The following MAF variants were observed in gnomAD, a reference collection of about 807,000 sequenced individuals.
The protein encoded by MAF is MAF bZIP transcription factor, also known as transcription factor Maf.
In MAF, 10 loss-of-function variants were observed where a neutral mutation model predicts 22.0. The observed-to-expected ratio is 0.45, with a 90% confidence interval of 0.28 to 0.77. MAF has a LOEUF of 0.77. MAF is among the 30% of genes least tolerant of loss of function. MAF has a pLI of 0.12. For synonymous variants in MAF, 337 were observed against 255.8 expected, an observed-to-expected ratio of 1.32 and a Z score of -3.03; for missense variants, 544 against 548.4, an observed-to-expected ratio of 0.99 and a Z score of 0.08.
chr16:79,343,520 A>C, the MAF span, among the ~76,000 whole-genome samples: 1 of 152,216 alleles, frequency 6.6e-6, no homozygotes, highest in East Asian at 1.9e-4. Context: ...CGTAAATGGA[A>C]ACTTTTTTCA....
chr16:79,494,230 A>G, the MAF span, among the ~76,000 whole-genome samples: 5 of 152,312 alleles, frequency 3.3e-5, no homozygotes, highest in South Asian at 4.1e-4. Context: ...ACCTAATGAA[A>G]GCCAGGGAAT....
the MAF span, among the ~76,000 whole-genome samples, chr16:79,419,400 G>C: frequency 2.0e-5 from 3 of 152,198 alleles, no homozygotes; most frequent in East Asian, 5.8e-4. Flanking sequence ...GACACAAGAG[G>C]AAGTGGAAAT....
the MAF span, among the ~76,000 whole-genome samples, chr16:79,275,483 G>T: frequency 6.6e-6 from 1 of 152,176 alleles, no homozygotes; most frequent in Non-Finnish European, 1.5e-5. Flanking sequence ...ACTTCATAAA[G>T]ATGAGAAAAC....
At chr16:79,387,266 T>A in the MAF span, among the ~76,000 whole-genome samples, 3 of 152,220 alleles carry the variant, frequency 2.0e-5, no homozygotes, top group Non-Finnish European at 2.9e-5. Flanking sequence ...GTTTATCCCA[T>A]CTCTGCTCTT....
At chr16:79,525,547 G>T in the MAF span, among the ~76,000 whole-genome samples, 1 of 152,168 alleles carries the variant, frequency 6.6e-6, no homozygotes, top group African/African-American at 2.4e-5. Flanking sequence ...AGAGGAAAAA[G>T]AGTAAGCCAT....
the MAF span, among the ~76,000 whole-genome samples, chr16:79,565,452 T>C: frequency 6.6e-6 from 1 of 152,110 alleles, no homozygotes; most frequent in African/African-American, 2.4e-5. Context: ...GGTTTCGCTG[T>C]GTCCCCACCC....
chr16:79,403,101 T>G, the MAF span, among the ~76,000 whole-genome samples: 3 of 152,212 alleles, frequency 2.0e-5, no homozygotes, highest in Non-Finnish European at 4.4e-5. Context: ...AGTTCTCTTA[T>G]CTGTGAAATG....
chr16:79,269,810 C>G, the MAF span, among the ~76,000 whole-genome samples: 1 of 152,118 alleles, frequency 6.6e-6, no homozygotes, highest in Non-Finnish European at 1.5e-5. Context: ...GTAATGAACT[C>G]CAACCTCCAC....
At chr16:79,304,314 A>C in the MAF span, among the ~76,000 whole-genome samples, 1 of 152,194 alleles carries the variant, frequency 6.6e-6, no homozygotes, top group Non-Finnish European at 1.5e-5. Flanking sequence ...CTGATCCTGT[A>C]ACACGGGCTA....
the MAF span, among the ~76,000 whole-genome samples, chr16:79,502,055 A>G: frequency 6.6e-6 from 1 of 152,170 alleles, no homozygotes; most frequent in Non-Finnish European, 1.5e-5. Context: ...GATAATTCAG[A>G]ATAATTTTCA....
chr16:79,373,359 C>CTTTTTTTTTTTTTTTTTTTT, the MAF span, among the ~76,000 whole-genome samples: 3 of 33,300 alleles, frequency 9.0e-5, 1 homozygote, highest in Non-Finnish European at 1.2e-4. Flanking sequence ...GGACTGGTAG[C>CTTTTTTTTTTTTTTTTTTTT]TTTTTTTTTT....
the MAF span, among the ~76,000 whole-genome samples, chr16:79,223,680 C>A: frequency 6.6e-6 from 1 of 152,128 alleles, no homozygotes; most frequent in South Asian, 2.1e-4. Context: ...AAGGGGATAT[C>A]ACCACTGATC....
the MAF span, chr16:79,206,779 G>C: frequency 3.9e-5 from 6 of 152,166 alleles, no homozygotes; most frequent in African/African-American, 1.4e-4. Context: ...TGGAAGAAGA[G>C]GGTGACTTAC....
the MAF span, among the ~76,000 whole-genome samples, chr16:79,517,125 T>C: frequency 1.3e-5 from 2 of 152,214 alleles, no homozygotes; most frequent in African/African-American, 2.4e-5. Context: ...GTGTTTATCT[T>C]TTAGTTTATA....
chr16:79,353,211 TC>T, the MAF span, among the ~76,000 whole-genome samples: 3 of 151,788 alleles, frequency 2.0e-5, no homozygotes, highest in Non-Finnish European at 2.9e-5. Context: ...AACCTCTGCC[TC>T]CCAGGTCCAA....
chr16:79,561,483 C>G, the MAF span, among the ~76,000 whole-genome samples: 4 of 140,506 alleles, frequency 2.8e-5, no homozygotes, highest in Non-Finnish European at 6.1e-5. Flanking sequence ...CACCCCAAAA[C>G]AGTCCCCGGT....
the MAF span, among the ~76,000 whole-genome samples, chr16:79,498,968 C>A: frequency 2.0e-5 from 3 of 152,188 alleles, no homozygotes; most frequent in East Asian, 1.9e-4. Context: ...CAGAAAGATA[C>A]TTCCAAGATT....
At chr16:79,226,107 T>C in the MAF span, among the ~76,000 whole-genome samples, 1 of 152,118 alleles carries the variant, frequency 6.6e-6, no homozygotes. Flanking sequence ...CTGTGCACAG[T>C]AGTAAAGACT....
At chr16:79,219,926 A>C in the MAF span, among the ~76,000 whole-genome samples, 1 of 152,210 alleles carries the variant, frequency 6.6e-6, no homozygotes, top group African/African-American at 2.4e-5. Flanking sequence ...CATCGTATTT[A>C]AATAGAGTTA....
Sources: gnomAD v4.1 joint callset for allele counts (sites outside exome capture counted in the v4.1 genomes callset) on GRCh38, gnomAD v4.1.1 for gene constraint, MANE v1.5 for transcripts, NCBI Gene and HGNC (gene_info 2026-07-23, HGNC 2026-07-21) for gene names.